FKBP5: variants seen among roughly 807,000 people sequenced by gnomAD.
The protein encoded by FKBP5 is peptidyl-prolyl cis-trans isomerase FKBP5.
In FKBP5, 23 loss-of-function variants were observed where a neutral mutation model predicts 50.5. That is an observed-to-expected ratio of 0.46 (90% CI 0.33 to 0.65). The LOEUF is 0.65. Ranked by LOEUF, FKBP5 falls within the 30% of genes least tolerant of loss-of-function variation. The pLI is 0.02. For synonymous variants in FKBP5, 176 were observed against 190.6 expected, an observed-to-expected ratio of 0.92 and a Z score of 0.63; for missense variants, 411 against 553.1, an observed-to-expected ratio of 0.74 and a Z score of 2.58.
At chr6:35,580,843 T>G (rs1762406603) in intron 8 of FKBP5, 1 of 985,120 alleles carries the variant, frequency 1.0e-6, no homozygotes, top group Admixed American at 6.2e-5. Flanking sequence ...ACCTGGCCTA[T>G]TCTTTAGTCT....
chr6:35,622,268 G>A (rs1763867066), intron 3 of FKBP5, among the ~76,000 whole-genome samples: 1 of 152,074 alleles, frequency 6.6e-6, no homozygotes, highest in African/African-American at 2.4e-5. Context: ...CAGCATTTTG[G>A]AAGGCCAAAG....
intron 5 of FKBP5, among the ~76,000 whole-genome samples, chr6:35,604,033 G>C (rs1763232234): frequency 6.7e-6 from 1 of 148,714 alleles, no homozygotes; most frequent in Non-Finnish European, 1.5e-5. Context: ...TTGAGTTGGG[G>C]GTCTCACTTT....
At position 35,597,310 on chromosome 6, in the gene FKBP5, T is replaced by A. The variant is rs774360175; in HGVS notation, c.603A>T (p.Gly201=). 4.3e-6 allele frequency: 7 copies of A among 1,614,052 alleles called. No individual in the cohort carries two copies. The highest frequency in any genetic ancestry group is 5.1e-6 in the Non-Finnish European group (6 of 1,180,020). The change falls in exon 6 of 11, where the codon GGA becomes GGT. Residue 201 remains glycine, a synonymous_variant. Transcript: ENST00000357266. ...GCATTTTCTCCAGAGCTTTGTCAATTCCAATTGGAATGTCGTGGTCTTCTC... is the reference window on the plus strand; with the variant it reads ...GCATTTTCTCCAGAGCTTTGTCAATACCAATTGGAATGTCGTGGTCTTCTC... ...GEGEDHDIPI[G]IDKALEKMQR...
At chr6:35,691,980 C>A (rs755919735), upstream of FKBP5, among the ~76,000 whole-genome samples, 1 of 152,102 alleles carries the variant, frequency 6.6e-6, no homozygotes, top group Non-Finnish European at 1.5e-5. Flanking sequence ...GGGCCCTGCA[C>A]TCTCATTTTT....
intron 8 of FKBP5, chr6:35,584,775 A>T: frequency 3.0e-6 from 3 of 985,318 alleles, no homozygotes; most frequent in Non-Finnish European, 3.6e-6. Context: ...GTTTTGAAAA[A>T]TTTTGCCTAT....
chr6:35,645,081 T>A (rs952572226), intron 1 of FKBP5, among the ~76,000 whole-genome samples: 1 of 152,210 alleles, frequency 6.6e-6, no homozygotes, highest in African/African-American at 2.4e-5. Flanking sequence ...AAACTCTGCA[T>A]CACCAATAAT....
chr6:35,696,774 G>A (rs1766089003), intron 2 of FKBP5, among the ~76,000 whole-genome samples: 1 of 152,148 alleles, frequency 6.6e-6, no homozygotes, highest in South Asian at 2.1e-4. Context: ...AAACAAAGTA[G>A]GAGGGTTCAT....
At chr6:35,580,818 G>A in intron 8 of FKBP5, 1 of 981,676 alleles carries the variant, frequency 1.0e-6, no homozygotes. Flanking sequence ...TGGGATTACA[G>A]GCATGAGCCA....
chr6:35,714,633 A>G (rs1381193219), intron 2 of FKBP5, among the ~76,000 whole-genome samples: 1 of 151,698 alleles, frequency 6.6e-6, no homozygotes, highest in Non-Finnish European at 1.5e-5. Flanking sequence ...CCTGGCCAAC[A>G]TGACAAAACC....
chr6:35,605,018 C>T (rs555763386), intron 5 of FKBP5, among the ~76,000 whole-genome samples: 1 of 152,122 alleles, frequency 6.6e-6, no homozygotes, highest in Non-Finnish European at 1.5e-5. Context: ...TTCCTGACCT[C>T]GTGATCCACG....
chr6:35,586,606 C>CAA lies in FKBP5; in HGVS notation c.840+426_840+427dup, dbSNP rs1319725627. On this transcript the variant is annotated intron_variant, in intron 8 of 10. Transcript: ENST00000357266. ...AGAAAGGGAGACCCTGTCTCTCATA[C>CAA]AAAAAAAAAAAAAGGAAGAAAGAAA... 1,925 of 793,104 alleles carry CAA rather than the reference C, an allele frequency of 2.4e-3. 10 individuals are homozygous for CAA. The African/African-American group carries it at 0.028, about 11-fold the overall frequency. 49.1% of individuals were successfully genotyped at this position (793,104 alleles called of 1,614,324 possible).
chr6:35,613,284 T>G (rs1763546847), intron 5 of FKBP5, among the ~76,000 whole-genome samples: 1 of 152,068 alleles, frequency 6.6e-6, no homozygotes. Flanking sequence ...GCGTAATCTC[T>G]GCTCACTGCA....
intron 3 of FKBP5, among the ~76,000 whole-genome samples, chr6:35,625,874 G>C (rs1183857087): frequency 6.6e-6 from 1 of 151,038 alleles, no homozygotes; most frequent in Non-Finnish European, 1.5e-5. Flanking sequence ...CCGCCTCCCG[G>C]GTTCACGCCA....
chr6:35,586,184 G>C, intron 8 of FKBP5: 1 of 984,912 alleles, frequency 1.0e-6, no homozygotes. Flanking sequence ...GCAATGGGTA[G>C]AACACTGATT....
intron 1 of FKBP5, among the ~76,000 whole-genome samples, chr6:35,654,871 A>C (rs990323516): frequency 3.9e-5 from 6 of 152,230 alleles, no homozygotes; most frequent in African/African-American, 1.2e-4. Context: ...TCAAAGGTAC[A>C]TCTGATAGGC....
In FKBP5 at chr6:35,659,801, A is replaced by G. The variant is rs1765042998; in HGVS notation, c.-19-16958T>C. Reference sequence around the variant, plus strand: ...GATTAGTCAGGTTAGAGTTTTATCAATTTCATTGTTCTCAAAGAACCAGCT... The same window carrying G: ...GATTAGTCAGGTTAGAGTTTTATCAGTTTCATTGTTCTCAAAGAACCAGCT... On this transcript the variant is annotated intron_variant, in intron 1 of 10. Coordinates refer to ENST00000357266, the MANE Select transcript of FKBP5 (RefSeq NM_004117.4). Among the ~76,000 whole-genome samples the G allele has an allele frequency of 2.4e-5, 2 of 84,350 alleles. 1 individual carries two copies. Among genetic ancestry groups the G allele is most frequent in the African/African-American group, 7.3e-5 (2 of 27,320 alleles). The allele number at this position is 84,350 out of a possible 152,430, so 55.3% of individuals were successfully genotyped here.
chr6:35,675,253 A>G (rs1765494647), intron 1 of FKBP5, among the ~76,000 whole-genome samples: 1 of 152,256 alleles, frequency 6.6e-6, no homozygotes, highest in Non-Finnish European at 1.5e-5. Context: ...ACACGAGTCT[A>G]TACCATACTC....
Position 35,684,218 on chromosome 6 carries a change from G to A in FKBP5, c.-20+4586C>T, listed in dbSNP as rs1765760074. On this transcript the variant is annotated intron_variant, in intron 1 of 10. Transcript: ENST00000357266. The stretch of plus-strand genomic sequence containing the variant: ...TTTTAAGGCAGGGTCTCGCTCTGTT[G>A]TCCAGGCTGGAGTACAATGGCTTAA... Among the ~76,000 whole-genome samples, 3 of 140,876 alleles carry A rather than the reference G, an allele frequency of 2.1e-5. No individual in the cohort carries two copies. The South Asian group carries it at 6.6e-4, about 31-fold the overall frequency. The allele number at this position is 140,876 out of a possible 152,430, so 92.4% of individuals were successfully genotyped here.
rs577497159 is a variant in FKBP5 at position 35,607,713 on chromosome 6, G to A, written c.509-10309C>T. 31 of 166,558 alleles carry A rather than the reference G, an allele frequency of 1.9e-4. No homozygotes were observed. In the East Asian group the frequency reaches 4.8e-3, roughly 26 times the overall value. 10.3% of individuals were successfully genotyped at this position (166,558 alleles called of 1,614,324 possible). On this transcript the variant is annotated intron_variant, in intron 5 of 10. Transcript: ENST00000357266. Reference sequence around the variant, plus strand: ...ATGAGGACGCCCAGGCACAGCCGCTGCTGCAGGCACCTGACCAAATATACC... The same window carrying A: ...ATGAGGACGCCCAGGCACAGCCGCTACTGCAGGCACCTGACCAAATATACC...
Sources: gnomAD v4.1 joint callset for allele counts (sites outside exome capture counted in the v4.1 genomes callset) on GRCh38, gnomAD v4.1.1 for gene constraint, MANE v1.5 for transcripts, NCBI Gene and HGNC (gene_info 2026-07-23, HGNC 2026-07-21) for gene names.